The following NR3C2 variants were observed in gnomAD, a reference collection of about 807,000 sequenced individuals.
NR3C2 encodes nuclear receptor subfamily 3 group C member 2, also known as mineralocorticoid receptor.
A neutral mutation model predicts 86.4 loss-of-function variants in NR3C2; 15 were observed. The ratio of observed to expected loss-of-function variants is 0.17; its 90% CI spans 0.12 to 0.27. NR3C2 has a LOEUF of 0.27. Ranked by LOEUF, NR3C2 falls within the 10% of genes least tolerant of loss-of-function variation. NR3C2 has a pLI of 1.00. For missense variants in NR3C2, 960 were observed against 1,195.6 expected (o/e 0.80, Z 2.91); for synonymous variants, 458 against 450.5 (o/e 1.02, Z -0.21).
intron 6 of NR3C2, among the ~76,000 whole-genome samples, chr4:148,141,263 T>A (rs1236209885): frequency 1.3e-5 from 2 of 152,018 alleles, no homozygotes; most frequent in Non-Finnish European, 2.9e-5. Context: ...TGAAACCCTG[T>A]CTCTACTAAA....
At chr4:148,390,707 C>G (rs769248354) in intron 2 of NR3C2, among the ~76,000 whole-genome samples, 89 of 152,176 alleles carry the variant, frequency 5.8e-4, no homozygotes, top group Non-Finnish European at 9.7e-4. Flanking sequence ...TAAAATGAAC[C>G]CTTAATCTTA....
intron 4 of NR3C2, among the ~76,000 whole-genome samples, chr4:148,170,040 T>A (rs1735053920): frequency 6.6e-6 from 1 of 152,248 alleles, no homozygotes; most frequent in Admixed American, 6.5e-5. Context: ...AAATTCGGTC[T>A]ACACCATGGT....
At chr4:148,196,054 G>A (rs187793800) in intron 3 of NR3C2, among the ~76,000 whole-genome samples, 16 of 152,258 alleles carry the variant, frequency 1.1e-4, no homozygotes, top group Admixed American at 2.6e-4. Context: ...GAGACCAGGG[G>A]TAGGAGGCAA....
intron 2 of NR3C2, among the ~76,000 whole-genome samples, chr4:148,356,313 T>C (rs530533251): frequency 6.6e-6 from 1 of 152,374 alleles, no homozygotes; most frequent in East Asian, 1.9e-4. Flanking sequence ...GTACAAATGA[T>C]GTTGCTAGTT....
intron 2 of NR3C2, among the ~76,000 whole-genome samples, chr4:148,342,869 T>C (rs371251417): frequency 6.6e-6 from 1 of 152,188 alleles, no homozygotes; most frequent in East Asian, 1.9e-4. Context: ...TAAGGTTAAT[T>C]GACATCTCTT....
intron 2 of NR3C2, among the ~76,000 whole-genome samples, chr4:148,310,212 A>G (rs1007535372): frequency 1.3e-5 from 2 of 152,184 alleles, no homozygotes; most frequent in African/African-American, 4.8e-5. Context: ...CCACTTGCAT[A>G]TATCCTCAAT....
intron 6 of NR3C2, among the ~76,000 whole-genome samples, chr4:148,145,444 CAG>C (rs1345871747): frequency 1.3e-5 from 2 of 152,224 alleles, no homozygotes; most frequent in African/African-American, 4.8e-5. Context: ...TCCCAAGTCA[CAG>C]AGAGAGTAAC....
At chr4:148,401,824 T>C (rs1488255273) in intron 2 of NR3C2, among the ~76,000 whole-genome samples, 1 of 152,116 alleles carries the variant, frequency 6.6e-6, no homozygotes. Context: ...CTCCTAATGT[T>C]TGGGACCAGG....
chr4:148,110,068 A>G (rs1292849032), intron 8 of NR3C2, among the ~76,000 whole-genome samples: 2 of 152,242 alleles, frequency 1.3e-5, no homozygotes, highest in African/African-American at 4.8e-5. Flanking sequence ...TGCTTTACAT[A>G]TGACACCTAA....
intron 4 of NR3C2, among the ~76,000 whole-genome samples, chr4:148,175,923 G>A (rs1260904643): frequency 1.3e-5 from 2 of 152,212 alleles, no homozygotes; most frequent in Non-Finnish European, 2.9e-5. Flanking sequence ...TTGAGCCCAG[G>A]AGCTAAGACT....
At chr4:148,386,932 A>T (rs1561078135) in intron 2 of NR3C2, among the ~76,000 whole-genome samples, 1 of 151,754 alleles carries the variant, frequency 6.6e-6, no homozygotes, top group East Asian at 1.9e-4. Context: ...TGTGGGATGG[A>T]CTCTTCAGCC....
At chr4:148,352,326 CTG>C (rs1745322694) in intron 2 of NR3C2, among the ~76,000 whole-genome samples, 1 of 151,502 alleles carries the variant, frequency 6.6e-6, no homozygotes, top group Non-Finnish European at 1.5e-5. Context: ...CTTCTCTTTT[CTG>C]TGTTAACTAA....
chr4:148,221,572 T>C (rs1033073326), intron 3 of NR3C2, among the ~76,000 whole-genome samples: 1 of 152,198 alleles, frequency 6.6e-6, no homozygotes, highest in Non-Finnish European at 1.5e-5. Context: ...AAAACATATC[T>C]TTATTCTACT....
chr4:148,216,421 C>T (rs115994022), intron 3 of NR3C2, among the ~76,000 whole-genome samples: 3,669 of 152,140 alleles, frequency 0.024, 134 homozygotes, highest in African/African-American at 0.085. Flanking sequence ...CTCCATTTTA[C>T]GTATGAGAAC....
chr4:148,384,137 T>C (rs575173916), intron 2 of NR3C2, among the ~76,000 whole-genome samples: 1 of 152,092 alleles, frequency 6.6e-6, no homozygotes, highest in African/African-American at 2.4e-5. Context: ...ATGTTCAAAA[T>C]AGAATTTAAA....
chr4:148,385,161 G>T (rs1439562193), intron 2 of NR3C2, among the ~76,000 whole-genome samples: 3 of 152,178 alleles, frequency 2.0e-5, no homozygotes, highest in Non-Finnish European at 2.9e-5. Context: ...GAGGGGCTCT[G>T]AGAAATAAAA....
At chr4:148,278,997 A>C (rs908991737) in intron 2 of NR3C2, among the ~76,000 whole-genome samples, 2 of 151,978 alleles carry the variant, frequency 1.3e-5, no homozygotes, top group African/African-American at 4.8e-5. Flanking sequence ...CCCCGTCCCT[A>C]CTAAAAATGC....
In NR3C2 at chr4:148,363,504, C is replaced by CTTTTTTTT. The variant is rs1375693723; in HGVS notation, c.1757+71599_1757+71600insAAAAAAAA. Among the ~76,000 whole-genome samples, 78 of 69,874 alleles carry CTTTTTTTT rather than the reference C, an allele frequency of 1.1e-3. 12 individuals carry two copies. The highest frequency in any genetic ancestry group is 2.6e-3 in the East Asian group (4 of 1,564). The allele number at this position is 69,874 out of a possible 152,430, so 45.8% of individuals were successfully genotyped here. On this transcript the variant is annotated intron_variant, in intron 2 of 8. Coordinates refer to ENST00000358102, the MANE Select transcript of NR3C2 (RefSeq NM_000901.5). Reference sequence around the variant, plus strand: ...ATTAAAGTCTAGACTTCTCATAGATCTCTTTTTTTTTTTTTTTGAGACGGA... The same window carrying CTTTTTTTT: ...ATTAAAGTCTAGACTTCTCATAGATCTTTTTTTTTCTTTTTTTTTTTTTTTGAGACGGA...
chr4:148,096,940 T>C (rs1471592327), intron 8 of NR3C2, among the ~76,000 whole-genome samples: 2 of 152,220 alleles, frequency 1.3e-5, no homozygotes, highest in Non-Finnish European at 2.9e-5. Context: ...TAACAGCTTT[T>C]GAACGAACAG....
Sources: gnomAD v4.1 joint callset for allele counts (sites outside exome capture counted in the v4.1 genomes callset) on GRCh38, gnomAD v4.1.1 for gene constraint, MANE v1.5 for transcripts, NCBI Gene and HGNC (gene_info 2026-07-23, HGNC 2026-07-21) for gene names.